The following SLC2A9 variants were observed in gnomAD, a reference collection of about 807,000 sequenced individuals.
SLC2A9 encodes the protein solute carrier family 2 member 9, also known as solute carrier family 2, facilitated glucose transporter member 9.
Under a neutral mutation model 50.6 loss-of-function variants are expected in SLC2A9, and 39 were observed. The observed-to-expected ratio is 0.77, with a 90% confidence interval of 0.60 to 1.01. The LOEUF (loss-of-function observed/expected upper bound fraction) is 1.01. SLC2A9 is among the 50% of genes least tolerant of loss of function. The pLI is 0.00. For synonymous variants in SLC2A9, 324 were observed against 276.9 expected, an observed-to-expected ratio of 1.17 and a Z score of -1.69; for missense variants, 686 against 677.6, an observed-to-expected ratio of 1.01 and a Z score of -0.14.
chr4:10,020,515 T>C (rs865979824), intron 1 of SLC2A9, among the ~76,000 whole-genome samples: 1 of 152,152 alleles, frequency 6.6e-6, no homozygotes, highest in Non-Finnish European at 1.5e-5. Flanking sequence ...AATTGAAATG[T>C]AGTACCAGAA....
At chr4:9,985,631 T>C (rs370824604) in intron 4 of SLC2A9, 38 bp downstream of exon 4, 18 of 1,613,266 alleles carry the variant, frequency 1.1e-5, no homozygotes, top group Non-Finnish European at 1.4e-5. Context: ...CCCCAAGGAG[T>C]ATGTTACTGT....
intron 8 of SLC2A9, among the ~76,000 whole-genome samples, chr4:9,892,488 A>T (rs2109806885): frequency 6.6e-6 from 1 of 152,326 alleles, no homozygotes; most frequent in South Asian, 2.1e-4. Flanking sequence ...GGTGACATCC[A>T]GGGGCACAAA....
chr4:10,007,081 A>C (rs995833939), intron 2 of SLC2A9, among the ~76,000 whole-genome samples: 1 of 152,172 alleles, frequency 6.6e-6, no homozygotes, highest in Non-Finnish European at 1.5e-5. Context: ...CTGACTTAGC[A>C]TTGTGTTCCA....
chr4:9,841,054 T>C (rs951662413), intron 10 of SLC2A9, among the ~76,000 whole-genome samples: 1 of 152,298 alleles, frequency 6.6e-6, no homozygotes, highest in East Asian at 1.9e-4. Flanking sequence ...CCCTGACATG[T>C]GGGGATTACA....
intron 5 of SLC2A9, among the ~76,000 whole-genome samples, chr4:9,976,013 G>GC (rs1429222106): frequency 5.3e-5 from 8 of 152,138 alleles, no homozygotes; most frequent in Non-Finnish European, 8.8e-5. Flanking sequence ...ACCAAACACT[G>GC]CATGTTCTCA....
At chr4:9,801,031 G>T (rs568694181) in intron 3 of SLC2A9, among the ~76,000 whole-genome samples, 1 of 152,258 alleles carries the variant, frequency 6.6e-6, no homozygotes, top group Admixed American at 6.5e-5. Context: ...AGTGTGGAAG[G>T]CACTTGCAGA....
At chr4:9,790,704 T>C (rs1293340288) in intron 3 of SLC2A9, among the ~76,000 whole-genome samples, 1 of 152,184 alleles carries the variant, frequency 6.6e-6, no homozygotes, top group African/African-American at 2.4e-5. Flanking sequence ...AAAATATTGA[T>C]GTCTGGGGCC....
At chr4:9,999,600 AGAAAGG>A (rs1759405718) in intron 2 of SLC2A9, among the ~76,000 whole-genome samples, 1 of 152,192 alleles carries the variant, frequency 6.6e-6, no homozygotes, top group African/African-American at 2.4e-5. Flanking sequence ...GAACAGGACC[AGAAAGG>A]GAAGGAGTGG....
chr4:9,879,706 A>T (rs1055359837), intron 10 of SLC2A9: 21 of 984,956 alleles, frequency 2.1e-5, no homozygotes, highest in Admixed American at 6.2e-5. Flanking sequence ...TTAAACACAA[A>T]CTCCCCATAG....
intron 5 of SLC2A9, among the ~76,000 whole-genome samples, chr4:9,957,533 C>A (rs1751512007): frequency 6.6e-6 from 1 of 152,106 alleles, no homozygotes; most frequent in Admixed American, 6.5e-5. Flanking sequence ...AGCAAAGAGA[C>A]AAAAATGTAG....
intron 3 of SLC2A9, among the ~76,000 whole-genome samples, chr4:9,993,256 C>G (rs190509095): frequency 1.3e-5 from 2 of 152,240 alleles, no homozygotes; most frequent in African/African-American, 4.8e-5. Flanking sequence ...TTGCTCCAGA[C>G]GGAAGAACCA....
At chr4:9,782,532 C>T (rs1243369550) in intron 3 of SLC2A9, 8 of 1,613,874 alleles carry the variant, frequency 5.0e-6, no homozygotes, top group Non-Finnish European at 6.8e-6. Context: ...TGGACCTTGT[C>T]CATCCTCATC....
At chr4:10,004,657 T>G (rs1385864825) in intron 2 of SLC2A9, among the ~76,000 whole-genome samples, 3 of 152,214 alleles carry the variant, frequency 2.0e-5, no homozygotes, top group Non-Finnish European at 4.4e-5. Flanking sequence ...GTTAAGCCAC[T>G]GAGATACAGG....
downstream of SLC2A9, among the ~76,000 whole-genome samples, chr4:9,825,890 C>T (rs1458803613): frequency 6.6e-6 from 1 of 152,152 alleles, no homozygotes; most frequent in Non-Finnish European, 1.5e-5. Flanking sequence ...TTCTGAAAGC[C>T]TATATCAGGG....
At chr4:9,865,621 A>G (rs377623195) in intron 10 of SLC2A9, among the ~76,000 whole-genome samples, 3 of 152,234 alleles carry the variant, frequency 2.0e-5, no homozygotes, top group Non-Finnish European at 4.4e-5. Context: ...TTCTTCTTGC[A>G]TAATAGCTCT....
intron 3 of SLC2A9, among the ~76,000 whole-genome samples, chr4:9,781,399 G>C (rs1027314194): frequency 1.3e-5 from 2 of 152,206 alleles, no homozygotes; most frequent in African/African-American, 4.8e-5. Flanking sequence ...CCAGGGCTAA[G>C]GCTCCAGGGA....
At chr4:9,945,393 T>C (rs1748959479) in intron 5 of SLC2A9, among the ~76,000 whole-genome samples, 1 of 152,178 alleles carries the variant, frequency 6.6e-6, no homozygotes, top group South Asian at 2.1e-4. Context: ...ACTGTAGGTG[T>C]TCAACAGGAA....
At chr4:9,869,523 T>C (rs1018671204) in intron 10 of SLC2A9, among the ~76,000 whole-genome samples, 4 of 152,162 alleles carry the variant, frequency 2.6e-5, no homozygotes, top group Non-Finnish European at 5.9e-5. Context: ...AGTGAACTCC[T>C]CCCTGCTCAC....
At chr4:9,780,649 C>T (rs1577251365) in intron 3 of SLC2A9, among the ~76,000 whole-genome samples, 1 of 152,222 alleles carries the variant, frequency 6.6e-6, no homozygotes, top group African/African-American at 2.4e-5. Context: ...TGGCTGCTGT[C>T]ACATCCCTTT....
Sources: gnomAD v4.1 joint callset for allele counts (sites outside exome capture counted in the v4.1 genomes callset) on GRCh38, gnomAD v4.1.1 for gene constraint, MANE v1.5 for transcripts, NCBI Gene and HGNC (gene_info 2026-07-23, HGNC 2026-07-21) for gene names.